The following MRPS31 variants were observed in gnomAD, a reference collection of about 807,000 sequenced individuals.
The protein encoded by MRPS31 is mitochondrial ribosomal protein S31.
A neutral mutation model predicts 43.1 loss-of-function variants in MRPS31; 32 were observed. That is an observed-to-expected ratio of 0.74 (90% CI 0.56 to 1.00). The LOEUF (loss-of-function observed/expected upper bound fraction) is 1.00, where lower values mean the gene tolerates loss of function less well. MRPS31 is among the 50% of genes least tolerant of loss of function. MRPS31 has a pLI of 0.00. For missense variants in MRPS31, 437 were observed against 466.7 expected (o/e 0.94, Z 0.59); for synonymous variants, 165 against 161.6 (o/e 1.02, Z -0.16).
intron 2 of MRPS31, among the ~76,000 whole-genome samples, chr13:40,762,385 C>T (rs1280812801): frequency 6.6e-6 from 1 of 152,036 alleles, no homozygotes; most frequent in Non-Finnish European, 1.5e-5. Flanking sequence ...CTAATCTTTG[C>T]TCAAATGTTA....
chr13:40,741,298 A>T (rs59185569), intron 6 of MRPS31, among the ~76,000 whole-genome samples: 3,490 of 152,268 alleles, frequency 0.023, 91 homozygotes, highest in African/African-American at 0.068. Context: ...TTTAAAGTCA[A>T]ATTATTTTAA....
At chr13:40,769,679 T>C (rs949703244) in intron 1 of MRPS31, among the ~76,000 whole-genome samples, 1 of 151,986 alleles carries the variant, frequency 6.6e-6, no homozygotes, top group Non-Finnish European at 1.5e-5. Context: ...TATTTTACAT[T>C]TAAAGTTACT....
At chr13:40,748,250 C>T (rs867228651) in intron 6 of MRPS31, among the ~76,000 whole-genome samples, 1 of 152,116 alleles carries the variant, frequency 6.6e-6, no homozygotes, top group Non-Finnish European at 1.5e-5. Context: ...TTCTGCCTCC[C>T]GGGTTCAAAC....
intron 1 of MRPS31, among the ~76,000 whole-genome samples, chr13:40,768,811 C>T (rs1880919902): frequency 6.6e-6 from 1 of 152,182 alleles, no homozygotes; most frequent in Non-Finnish European, 1.5e-5. Context: ...GTGACGCTAA[C>T]GCTGCTGGTC....
intron 4 of MRPS31, among the ~76,000 whole-genome samples, chr13:40,756,311 T>G (rs990104754): frequency 7.9e-5 from 12 of 152,206 alleles, no homozygotes; most frequent in African/African-American, 2.7e-4. Flanking sequence ...AACTTTAGAT[T>G]CTAAAATAAC....
chr13:40,735,569 C>T (rs1248569050), intron 6 of MRPS31, among the ~76,000 whole-genome samples: 5 of 151,892 alleles, frequency 3.3e-5, no homozygotes, highest in South Asian at 4.2e-4. Flanking sequence ...TCTCCCAGCA[C>T]GCAGCTGGAG....
chr13:40,760,438 A>G (rs188900087), intron 2 of MRPS31, among the ~76,000 whole-genome samples: 162 of 152,278 alleles, frequency 1.1e-3, no homozygotes, highest in African/African-American at 3.8e-3. Flanking sequence ...GGCATAGGAC[A>G]TACAAGAATG....
chr13:40,734,362 T>C (rs1879810199), intron 6 of MRPS31, among the ~76,000 whole-genome samples: 1 of 152,138 alleles, frequency 6.6e-6, no homozygotes, highest in African/African-American at 2.4e-5. Context: ...AAGACAGTTG[T>C]GCCAGAAGAC....
intron 6 of MRPS31, among the ~76,000 whole-genome samples, chr13:40,730,544 T>C (rs2137989192): frequency 6.6e-6 from 1 of 152,206 alleles, no homozygotes; most frequent in East Asian, 1.9e-4. Context: ...ATCAATAGGA[T>C]AGCAATTATT....
rs752088138 is a variant in MRPS31 at position 40,769,836 on chromosome 13, A to G, written c.152+1149T>C. On this transcript the variant is annotated intron_variant, in intron 1 of 6. Coordinates refer to ENST00000323563, the MANE Select transcript of MRPS31 (RefSeq NM_005830.4). ...AATCACGTCTAAGTAACTCCCTAGCACTAAAAATAATAAACCTCTCGACCT... is the reference window on the plus strand; with the variant it reads ...AATCACGTCTAAGTAACTCCCTAGCGCTAAAAATAATAAACCTCTCGACCT... Among the ~76,000 whole-genome samples the G allele has an allele frequency of 7.4e-4, 113 of 152,116 alleles. 1 individual carries two copies. Among genetic ancestry groups the G allele is most frequent in the Admixed American group, 1.2e-3 (18 of 15,260 alleles).
chr13:40,732,025 C>G (rs1879715314), intron 6 of MRPS31, among the ~76,000 whole-genome samples: 1 of 152,092 alleles, frequency 6.6e-6, no homozygotes, highest in South Asian at 2.1e-4. Flanking sequence ...AAAATAAGTT[C>G]TAGATAAATA....
chr13:40,749,503 A>C (rs1006359131), intron 5 of MRPS31: 23 of 349,470 alleles, frequency 6.6e-5, no homozygotes, highest in Non-Finnish European at 1.1e-4. Flanking sequence ...ATGCCAGGTA[A>C]TCACTGCCCC....
intron 6 of MRPS31, among the ~76,000 whole-genome samples, chr13:40,732,545 G>A (rs1879728675): frequency 6.6e-6 from 1 of 152,144 alleles, no homozygotes; most frequent in African/African-American, 2.4e-5. Context: ...ACCAGCCTGA[G>A]CAACAAAGTG....
rs775266887 is a variant in MRPS31 at position 40,766,759 on chromosome 13, C to T, written c.427G>A (p.Ala143Thr). Residue 143 changes from alanine to threonine, a missense_variant, in exon 2 of 7, where the codon GCT (alanine) becomes ACT (threonine). Transcript: ENST00000323563. The part of the protein sequence containing the change: ...LGRLRRATEY[A>T]PKKRIEPLSP... ...AATTAAATTTACCTCTTCTTTGGAGCATATTCTGTAGCTCTTCGAAGCCTG... is the reference window on the plus strand; with the variant it reads ...AATTAAATTTACCTCTTCTTTGGAGTATATTCTGTAGCTCTTCGAAGCCTG... 5 of 1,604,898 alleles carry T rather than the reference C, an allele frequency of 3.1e-6. No individual in the cohort carries two copies. Among genetic ancestry groups the T allele is most frequent in the Middle Eastern group, 1.7e-4 (1 of 6,012 alleles).
At chr13:40,752,847 T>C (rs1002342703) in intron 5 of MRPS31, among the ~76,000 whole-genome samples, 3 of 152,092 alleles carry the variant, frequency 2.0e-5, no homozygotes, top group African/African-American at 7.2e-5. Context: ...CCAGTGATCC[T>C]GCCACTTCAA....
intron 2 of MRPS31, among the ~76,000 whole-genome samples, chr13:40,763,193 G>A (rs1880750502): frequency 6.6e-6 from 1 of 152,166 alleles, no homozygotes; most frequent in Non-Finnish European, 1.5e-5. Context: ...GACCACTACA[G>A]GTGACACCTG....
intron 2 of MRPS31, among the ~76,000 whole-genome samples, chr13:40,761,094 G>GA (rs1459068227): frequency 6.7e-6 from 1 of 149,958 alleles, no homozygotes; most frequent in Non-Finnish European, 1.5e-5. Flanking sequence ...CTGGGATAGA[G>GA]AAAAAAAGAA....
chr13:40,753,599 A>G (rs1880450893), intron 5 of MRPS31, among the ~76,000 whole-genome samples: 1 of 152,208 alleles, frequency 6.6e-6, no homozygotes, highest in Admixed American at 6.5e-5. Context: ...TGCCTAGCTG[A>G]GGAGCAGGTG....
At chr13:40,744,652 G>GT (rs1476442946) in intron 6 of MRPS31, among the ~76,000 whole-genome samples, 9 of 151,918 alleles carry the variant, frequency 5.9e-5, no homozygotes, top group Non-Finnish European at 1.2e-4. Flanking sequence ...TTCAAGCAAT[G>GT]TATGTTCACT....
Sources: allele counts gnomAD v4.1 joint callset (sites outside exome capture counted in the v4.1 genomes callset), GRCh38; gene constraint gnomAD v4.1.1; transcripts MANE v1.5; gene names NCBI Gene and HGNC (gene_info 2026-07-23, HGNC 2026-07-21).